LTBP1: variants seen among roughly 807,000 people sequenced by gnomAD.
LTBP1 encodes latent-transforming growth factor beta-binding protein 1.
A neutral mutation model predicts 207.6 loss-of-function variants in LTBP1; 129 were observed. The observed-to-expected ratio is 0.62, with a 90% CI of 0.54 to 0.72. The LOEUF is 0.72. Among genes scored for constraint, LTBP1 ranks in the 30% least tolerant of loss-of-function variants. The pLI is 0.00. For missense variants in LTBP1, 2,281 were observed against 2,217.2 expected (o/e 1.03, Z -0.58); for synonymous variants, 963 against 833.7 (o/e 1.16, Z -2.67).
At chr2:33,162,155 G>T (rs888031311) in intron 5 of LTBP1, among the ~76,000 whole-genome samples, 7 of 152,184 alleles carry the variant, frequency 4.6e-5, no homozygotes, top group Admixed American at 4.6e-4. Flanking sequence ...TTTTGTGGCT[G>T]AAGTGTTGAA....
chr2:32,997,204 A>G (rs930961325), intron 2 of LTBP1, among the ~76,000 whole-genome samples: 1 of 151,882 alleles, frequency 6.6e-6, no homozygotes, highest in African/African-American at 2.4e-5. Flanking sequence ...CTTAATCTCC[A>G]TGCTGATGCC....
chr2:33,012,122 TAAAAACATCATCTC>T, intron 2 of LTBP1, among the ~76,000 whole-genome samples: 1 of 152,158 alleles, frequency 6.6e-6, no homozygotes, highest in Non-Finnish European at 1.5e-5. Context: ...AGAGATGATG[TAAAAACATCATCTC>T]TGTTTCCAGT....
intron 2 of LTBP1, among the ~76,000 whole-genome samples, chr2:32,985,833 C>G (rs963338807): frequency 6.6e-6 from 1 of 152,024 alleles, no homozygotes; most frequent in Non-Finnish European, 1.5e-5. Flanking sequence ...CCTTTTTAAC[C>G]CCTTCTTTTC....
chr2:32,995,131 C>G (rs1377246168), intron 2 of LTBP1, among the ~76,000 whole-genome samples: 1 of 151,730 alleles, frequency 6.6e-6, no homozygotes, highest in East Asian at 1.9e-4. Flanking sequence ...CTGCAGTGAG[C>G]TATGATCACA....
intron 3 of LTBP1, among the ~76,000 whole-genome samples, chr2:33,053,660 T>G (rs184025143): frequency 4.1e-4 from 63 of 152,280 alleles, no homozygotes; most frequent in African/African-American, 1.5e-3. Flanking sequence ...CAAACTGTTT[T>G]AATGTCTTAG....
intron 5 of LTBP1, among the ~76,000 whole-genome samples, chr2:33,147,437 GA>G (rs1222198071): frequency 1.3e-5 from 2 of 152,110 alleles, no homozygotes; most frequent in African/African-American, 2.4e-5. Context: ...CCCACCTGTG[GA>G]TCACTCTGTG....
chr2:33,029,202 C>A (rs978878793), intron 3 of LTBP1, among the ~76,000 whole-genome samples: 1 of 152,146 alleles, frequency 6.6e-6, no homozygotes, highest in African/African-American at 2.4e-5. Flanking sequence ...TTTGTCCGGG[C>A]GTGATGGCTC....
At chr2:33,300,315 A>T (rs935996) in intron 20 of LTBP1, 136 bp from the exon 21 acceptor site, 1 of 708,720 alleles carries the variant, frequency 1.4e-6, no homozygotes, top group Non-Finnish European at 2.3e-6. Context: ...TGGAGTGATA[A>T]ATACTAAAGT....
At chr2:33,256,048 G>A (rs1462072957) in intron 11 of LTBP1, among the ~76,000 whole-genome samples, 1 of 151,498 alleles carries the variant, frequency 6.6e-6, no homozygotes, top group South Asian at 2.1e-4. Flanking sequence ...ATGCCGTGGA[G>A]GTTAGCAAAT....
intron 15 of LTBP1, among the ~76,000 whole-genome samples, chr2:33,264,576 T>G (rs2093121624): frequency 6.6e-6 from 1 of 151,998 alleles, no homozygotes; most frequent in African/African-American, 2.4e-5. Flanking sequence ...AATGGAAAAA[T>G]AATATAATCA....
intron 2 of LTBP1, among the ~76,000 whole-genome samples, chr2:32,981,996 A>T (rs918809822): frequency 2.6e-5 from 4 of 152,240 alleles, no homozygotes; most frequent in Non-Finnish European, 4.4e-5. Flanking sequence ...TGCTCTAAAG[A>T]TACCCGAAAA....
intron 9 of LTBP1, among the ~76,000 whole-genome samples, chr2:33,238,633 T>A (rs1358912365): frequency 6.6e-6 from 1 of 152,238 alleles, no homozygotes; most frequent in Admixed American, 6.5e-5. Flanking sequence ...CATAACATTT[T>A]GTCCTAGTTG....
chr2:33,398,268 G>C, intron 33 of LTBP1, 96 bp from the exon 34 acceptor site: 1 of 1,113,614 alleles, frequency 9.0e-7, no homozygotes, highest in African/African-American at 1.6e-5. Context: ...GCTTCCTTGG[G>C]GTGGTCGGGG....
At chr2:33,027,635 G>T (rs1305671019) in intron 3 of LTBP1, among the ~76,000 whole-genome samples, 1 of 152,090 alleles carries the variant, frequency 6.6e-6, no homozygotes, top group African/African-American at 2.4e-5. Context: ...AAGAGATCAA[G>T]ACCATCTGGC....
intron 2 of LTBP1, among the ~76,000 whole-genome samples, chr2:32,967,529 T>C (rs1005064762): frequency 2.6e-5 from 4 of 152,222 alleles, no homozygotes; most frequent in African/African-American, 9.6e-5. Flanking sequence ...TAATTTTCAT[T>C]TAGGTCTAAA....
At chr2:33,361,869 G>A (rs2094931068) in intron 28 of LTBP1, among the ~76,000 whole-genome samples, 1 of 152,094 alleles carries the variant, frequency 6.6e-6, no homozygotes, top group Non-Finnish European at 1.5e-5. Flanking sequence ...ATGCTTAATA[G>A]AAATCATATC....
chr2:33,043,448 T>C (rs2076291552), intron 3 of LTBP1, among the ~76,000 whole-genome samples: 3 of 152,216 alleles, frequency 2.0e-5, no homozygotes, highest in Admixed American at 2.0e-4. Flanking sequence ...AATATATGCA[T>C]CTTGCCATGC....
chr2:33,038,476 G>A (rs965231717), intron 3 of LTBP1, among the ~76,000 whole-genome samples: 2 of 152,196 alleles, frequency 1.3e-5, no homozygotes, highest in Non-Finnish European at 2.9e-5. Context: ...TCCTGTTCTG[G>A]AGCCAACTCA....
chr2:33,015,118 A>G (rs1240184787), intron 2 of LTBP1, among the ~76,000 whole-genome samples: 3 of 151,742 alleles, frequency 2.0e-5, no homozygotes, highest in Non-Finnish European at 1.5e-5. Flanking sequence ...TTTGACCTTG[A>G]CCAGTTTGCT....
Sources: allele counts gnomAD v4.1 joint callset (sites outside exome capture counted in the v4.1 genomes callset), GRCh38; gene constraint gnomAD v4.1.1; transcripts MANE v1.5; gene names NCBI Gene and HGNC (gene_info 2026-07-23, HGNC 2026-07-21).